The following TAS2R1 variants were observed in gnomAD, a reference collection of about 807,000 sequenced individuals.
TAS2R1 encodes the protein taste receptor type 2 member 1.
For synonymous variants in TAS2R1, 141 were observed against 134.2 expected (o/e 1.05, Z -0.35); for missense variants, 370 against 353.4 (o/e 1.05, Z -0.38).
chr5:9,808,405 C>G, the TAS2R1 span, among the ~76,000 whole-genome samples: 1 of 151,544 alleles, frequency 6.6e-6, no homozygotes, highest in African/African-American at 2.4e-5. Context: ...TCCCAACTGC[C>G]TATAGAAAAA....
At chr5:9,772,917 A>G in the TAS2R1 span, among the ~76,000 whole-genome samples, 1 of 152,080 alleles carries the variant, frequency 6.6e-6, no homozygotes. Context: ...TGTAGACAGT[A>G]GGGCATTGGG....
At chr5:9,689,848 C>G (rs1000675283) in intron 1 of TAS2R1, among the ~76,000 whole-genome samples, 1 of 152,092 alleles carries the variant, frequency 6.6e-6, no homozygotes. Flanking sequence ...GAGTGAGAAT[C>G]TCTTTATTCT....
At chr5:9,681,094 T>C (rs1740986363) in intron 1 of TAS2R1, among the ~76,000 whole-genome samples, 1 of 151,600 alleles carries the variant, frequency 6.6e-6, no homozygotes, top group Admixed American at 6.6e-5. Flanking sequence ...AAATAAATAA[T>C]AAAATAATAA....
the TAS2R1 span, among the ~76,000 whole-genome samples, chr5:9,753,396 G>T: frequency 3.9e-5 from 6 of 152,088 alleles, no homozygotes; most frequent in African/African-American, 1.4e-4. Context: ...TGATGGGGTT[G>T]TTTGTTTTTT....
At chr5:9,775,596 TG>T in the TAS2R1 span, among the ~76,000 whole-genome samples, 1 of 152,160 alleles carries the variant, frequency 6.6e-6, no homozygotes, top group Non-Finnish European at 1.5e-5. Flanking sequence ...GAGTACTGTC[TG>T]GGGGCTGCTG....
At chr5:9,726,340 A>G in the TAS2R1 span, among the ~76,000 whole-genome samples, 2 of 152,212 alleles carry the variant, frequency 1.3e-5, no homozygotes, top group Admixed American at 1.3e-4. Context: ...AAATGCACCA[A>G]TCAGCGCCCT....
At chr5:9,878,162 C>T in the TAS2R1 span, among the ~76,000 whole-genome samples, 5 of 152,172 alleles carry the variant, frequency 3.3e-5, no homozygotes, top group Non-Finnish European at 4.4e-5. Flanking sequence ...GTCACCTCAA[C>T]ATAATATAAT....
chr5:9,878,117 T>C, the TAS2R1 span, among the ~76,000 whole-genome samples: 601 of 152,276 alleles, frequency 3.9e-3, 2 homozygotes, highest in African/African-American at 0.014. Context: ...ATTTGGGGGC[T>C]CTCAATGAAT....
the TAS2R1 span, among the ~76,000 whole-genome samples, chr5:9,783,379 G>A: frequency 6.6e-6 from 1 of 152,332 alleles, no homozygotes; most frequent in South Asian, 2.1e-4. Flanking sequence ...CAGCTTAGCT[G>A]ATGCAATTGC....
At chr5:9,831,621 G>GTTTTT in the TAS2R1 span, among the ~76,000 whole-genome samples, 62 of 147,858 alleles carry the variant, frequency 4.2e-4, no homozygotes, top group South Asian at 6.4e-4. Context: ...GCATGTTTCT[G>GTTTTT]TTTTTTTTTC....
At chr5:9,709,161 C>T (rs561785642) in intron 1 of TAS2R1, among the ~76,000 whole-genome samples, 13 of 150,062 alleles carry the variant, frequency 8.7e-5, no homozygotes, top group East Asian at 3.9e-4. Context: ...CTGCACATTC[C>T]GCACATGTAT....
intron 1 of TAS2R1, among the ~76,000 whole-genome samples, chr5:9,665,279 C>T (rs975446610): frequency 2.0e-5 from 3 of 152,218 alleles, no homozygotes; most frequent in African/African-American, 7.2e-5. Flanking sequence ...GGCTCCTGCT[C>T]CTGCGATAAC....
At chr5:9,641,163 C>G (rs1740075041) in intron 2 of TAS2R1, 1 of 152,052 alleles carries the variant, frequency 6.6e-6, no homozygotes, top group Non-Finnish European at 1.5e-5. Flanking sequence ...ACATATTGCA[C>G]CAAAGACTTA....
At chr5:9,633,294 T>TATTATATATATATATATATATATATATA (rs1476544403), upstream of TAS2R1, among the ~76,000 whole-genome samples, 9 of 67,806 alleles carry the variant, frequency 1.3e-4, no homozygotes, top group African/African-American at 5.7e-4. Context: ...TGTGTGTATA[T>TATTATATATATATATATATATATATATA]TATATATATA....
At position 9,628,652 on chromosome 5, in the gene TAS2R1, G is replaced by C. The variant is rs1015407831; in HGVS notation, c.*481C>G. On this transcript the variant is annotated 3_prime_UTR_variant, in exon 1 of 1. Coordinates refer to ENST00000382492, the MANE Select transcript of TAS2R1 (RefSeq NM_019599.3). ...AATAATATCCAGGTAGACAAGAAAT[G>C]AACAGTCAGCCCGTTAAGGTCAGGA... 1.3e-5 allele frequency among the ~76,000 whole-genome samples: 2 copies of C among 152,146 alleles called. No homozygotes were observed. The highest frequency in any genetic ancestry group is 2.9e-5 in the Non-Finnish European group (2 of 68,020).
chr5:9,849,171 C>T, the TAS2R1 span, among the ~76,000 whole-genome samples: 2 of 152,202 alleles, frequency 1.3e-5, no homozygotes, highest in East Asian at 3.8e-4. Context: ...GGGATCCGAA[C>T]TGAAAAGACA....
At chr5:9,854,156 C>T in the TAS2R1 span, among the ~76,000 whole-genome samples, 1 of 152,264 alleles carries the variant, frequency 6.6e-6, no homozygotes, top group South Asian at 2.1e-4. Context: ...AAGGTTTGCT[C>T]GCTGGGATCT....
At chr5:9,801,279 C>A in the TAS2R1 span, among the ~76,000 whole-genome samples, 4 of 152,354 alleles carry the variant, frequency 2.6e-5, no homozygotes, top group African/African-American at 4.8e-5. Flanking sequence ...AGAACCTGAA[C>A]ATGCTGGCAC....
chr5:9,656,373 G>T (rs961626362), intron 2 of TAS2R1, among the ~76,000 whole-genome samples: 3 of 152,116 alleles, frequency 2.0e-5, no homozygotes, highest in Non-Finnish European at 4.4e-5. Context: ...TATGTAGAGA[G>T]AAATAATTTA....
Sources: allele counts gnomAD v4.1 joint callset (sites outside exome capture counted in the v4.1 genomes callset), GRCh38; gene constraint gnomAD v4.1.1; transcripts MANE v1.5; gene names NCBI Gene and HGNC (gene_info 2026-07-23, HGNC 2026-07-21).